Variants in LARGE1 observed in about 807,000 individuals in gnomAD.
The protein encoded by LARGE1 is xylosyl- and glucuronyltransferase LARGE1.
Under a neutral mutation model 87.6 loss-of-function variants are expected in LARGE1, and 43 were observed. The observed-to-expected ratio is 0.49, with a 90% CI of 0.38 to 0.63. The LOEUF (loss-of-function observed/expected upper bound fraction) is 0.63, where lower values mean the gene tolerates loss of function less well. Among genes scored for constraint, LARGE1 ranks in the 30% least tolerant of loss-of-function variants. The pLI, the probability that LARGE1 is intolerant of heterozygous loss-of-function variation, is 0.00. For missense variants in LARGE1, 802 were observed against 1,000.2 expected, an observed-to-expected ratio of 0.80 and a Z score of 2.67; for synonymous variants, 434 against 394.6, an observed-to-expected ratio of 1.10 and a Z score of -1.18.
At chr22:33,426,427 G>C (rs962074094) in intron 7 of LARGE1, among the ~76,000 whole-genome samples, 1 of 152,162 alleles carries the variant, frequency 6.6e-6, no homozygotes, top group African/African-American at 2.4e-5. Context: ...AGAACACGAA[G>C]AGATCTTAGT....
intron 6 of LARGE1, among the ~76,000 whole-genome samples, chr22:33,556,536 GA>G (rs2077685915): frequency 1.7e-5 from 1 of 59,542 alleles, no homozygotes; most frequent in Non-Finnish European, 3.4e-5. Context: ...GGGAGGGAGG[GA>G]AGGAGGGAGG....
chr22:33,194,059 T>G (rs953381476), intron 11 of LARGE1, among the ~76,000 whole-genome samples: 1 of 151,234 alleles, frequency 6.6e-6, no homozygotes, highest in African/African-American at 2.4e-5. Context: ...ATAAATTTTA[T>G]ACTGTCTGCA....
Position 33,354,821 on chromosome 22 carries a change from C to T in LARGE1, c.1132-17020G>A, listed in dbSNP as rs547122620. ...CCATTAAATTCTAGTATTTGTATAA[C>T]ATGCCCTTAAAACTAAGACTATGAA... On this transcript the variant is annotated intron_variant, in intron 9 of 14. Transcript: ENST00000397394. Among the ~76,000 whole-genome samples, 10 of 152,274 alleles carry T rather than the reference C, an allele frequency of 6.6e-5. No individual in the cohort carries two copies. In the South Asian group the frequency reaches 1.9e-3, roughly 28 times the overall value.
intron 1 of LARGE1, among the ~76,000 whole-genome samples, chr22:33,821,949 T>TA (rs2086837005): frequency 7.7e-6 from 1 of 129,470 alleles, no homozygotes; most frequent in Non-Finnish European, 1.6e-5. Context: ...GTGACTTTTT[T>TA]AGGTTTTTTT....
chr22:33,107,049 G>A, the LARGE1 span, among the ~76,000 whole-genome samples: 1 of 152,146 alleles, frequency 6.6e-6, no homozygotes, highest in African/African-American at 2.4e-5. Flanking sequence ...ACGCAGTGAT[G>A]GGGGCCACTT....
intron 6 of LARGE1, among the ~76,000 whole-genome samples, chr22:33,434,866 TC>T (rs767869000): frequency 1.2e-3 from 185 of 152,154 alleles, no homozygotes; most frequent in Non-Finnish European, 2.3e-3. Flanking sequence ...CCACCCACAA[TC>T]CTTTCAAGGT....
At chr22:33,168,352 C>T (rs768271942) in intron 11 of LARGE1, among the ~76,000 whole-genome samples, 260 of 152,138 alleles carry the variant, frequency 1.7e-3, no homozygotes, top group Non-Finnish European at 3.1e-3. Context: ...ATATATAAGG[C>T]CAAAGTAAAG....
the LARGE1 span, among the ~76,000 whole-genome samples, chr22:33,082,691 C>T: frequency 5.6e-4 from 85 of 152,282 alleles, 1 homozygote; most frequent in Middle Eastern, 0.014. Context: ...AAGCTCCTTC[C>T]GGACCACAAT....
chr22:33,214,985 A>T (rs2146241705), intron 11 of LARGE1, among the ~76,000 whole-genome samples: 1 of 152,230 alleles, frequency 6.6e-6, no homozygotes, highest in African/African-American at 2.4e-5. Flanking sequence ...CCTGGAAACC[A>T]TTCTGCCCCC....
chr22:33,580,337 T>G (rs1408418597), intron 5 of LARGE1, among the ~76,000 whole-genome samples: 1 of 148,026 alleles, frequency 6.8e-6, no homozygotes, highest in Admixed American at 6.8e-5. Context: ...ACCACTGCAC[T>G]CCAGCCTAGG....
intron 9 of LARGE1, among the ~76,000 whole-genome samples, chr22:33,355,193 G>A (rs1200749448): frequency 1.3e-5 from 2 of 152,152 alleles, no homozygotes; most frequent in African/African-American, 4.8e-5. Context: ...AGGCCCCTGT[G>A]TTCATTCGTA....
intron 7 of LARGE1, among the ~76,000 whole-genome samples, chr22:33,419,057 C>T (rs1040056132): frequency 4.6e-5 from 7 of 152,144 alleles, no homozygotes; most frequent in South Asian, 2.1e-4. Flanking sequence ...TTAATTGACT[C>T]GCAGTTCCGC....
At chr22:33,229,702 G>T (rs1171615099) in intron 11 of LARGE1, among the ~76,000 whole-genome samples, 1 of 152,184 alleles carries the variant, frequency 6.6e-6, no homozygotes, top group Middle Eastern at 3.4e-3. Context: ...ATTCTAGTAG[G>T]AGGAAATAGA....
chr22:33,578,378 C>T lies in LARGE1; in HGVS notation c.616-13359G>A, dbSNP rs143234670. Among the ~76,000 whole-genome samples, 218 of 152,088 alleles carry T rather than the reference C, an allele frequency of 1.4e-3. 1 individual carries two copies. The highest frequency in any genetic ancestry group is 4.9e-3 in the African/African-American group (202 of 41,472). On this transcript the variant is annotated intron_variant, in intron 5 of 14. Transcript: ENST00000397394. ...CCCCTTTAAAAAAATCACCTAATTC[C>T]GAAAGTGAGTCATTTATCTAAACAC...
chr22:33,301,146 C>G (rs975317658), intron 12 of LARGE1, among the ~76,000 whole-genome samples: 4 of 152,162 alleles, frequency 2.6e-5, no homozygotes, highest in Non-Finnish European at 5.9e-5. Context: ...CAAGGGGCAT[C>G]CACTGGTAAC....
chr22:33,650,781 T>G (rs534261135), intron 2 of LARGE1, 113 bp from the exon 3 acceptor site: 1 of 1,205,070 alleles, frequency 8.3e-7, no homozygotes, highest in Non-Finnish European at 1.2e-6. Context: ...CAATCCCATG[T>G]TTAAGGAAAA....
intron 7 of LARGE1, among the ~76,000 whole-genome samples, chr22:33,408,919 G>A (rs943528737): frequency 3.9e-5 from 6 of 152,274 alleles, no homozygotes; most frequent in Admixed American, 2.6e-4. Context: ...GACAAGGGCC[G>A]TGTTTTCTAT....
rs529773154 is a variant in LARGE1 at position 33,708,497 on chromosome 22, G to T, written c.106+52874C>A. ...GTCCTCATACTATGTTGCTAGGGCG[G>T]CCCTAACAGAATACCAGACTATGGG... On this transcript the variant is annotated intron_variant, in intron 2 of 14. Transcript: ENST00000397394. Among the ~76,000 whole-genome samples the T allele has an allele frequency of 4.6e-5, 7 of 152,290 alleles. No individual in the cohort carries two copies. In the South Asian group the frequency reaches 1.5e-3, roughly 32 times the overall value.
chr22:33,345,026 T>C (rs966696533), intron 9 of LARGE1, among the ~76,000 whole-genome samples: 33 of 152,132 alleles, frequency 2.2e-4, no homozygotes, highest in African/African-American at 7.2e-4. Context: ...TCTACAAGGA[T>C]TGTGATGAAA....
Sources: allele counts gnomAD v4.1 joint callset (sites outside exome capture counted in the v4.1 genomes callset), GRCh38; gene constraint gnomAD v4.1.1; transcripts MANE v1.5; gene names NCBI Gene and HGNC (gene_info 2026-07-23, HGNC 2026-07-21).